Variants in DOCK3 observed in about 807,000 individuals in gnomAD.
DOCK3 encodes the protein dedicator of cytokinesis 3, also known as dedicator of cytokinesis protein 3.
Under a neutral mutation model 265.6 loss-of-function variants are expected in DOCK3, and 60 were observed. The observed-to-expected ratio is 0.23, with a 90% CI of 0.18 to 0.28. The LOEUF is 0.28. DOCK3 is among the 10% of genes least tolerant of loss of function. The pLI, the probability that DOCK3 is intolerant of heterozygous loss-of-function variation, is 1.00. For synonymous variants in DOCK3, 881 were observed against 938.0 expected, an observed-to-expected ratio of 0.94 and a Z score of 1.11; for missense variants, 1,981 against 2,594.3, an observed-to-expected ratio of 0.76 and a Z score of 5.14.
chr3:50,884,251 C>G (rs375428018), intron 3 of DOCK3, among the ~76,000 whole-genome samples: 3 of 152,192 alleles, frequency 2.0e-5, no homozygotes, highest in South Asian at 4.2e-4. Flanking sequence ...CCACCACGGC[C>G]AGCTAATTTT....
chr3:51,323,508 C>T (rs1005776714), intron 32 of DOCK3, among the ~76,000 whole-genome samples: 2 of 152,106 alleles, frequency 1.3e-5, no homozygotes, highest in Admixed American at 6.5e-5. Context: ...CAAACAGTCT[C>T]TCAGACCACA....
At chr3:51,187,751 C>CTTTT (rs1222615450) in intron 12 of DOCK3, among the ~76,000 whole-genome samples, 10 of 112,130 alleles carry the variant, frequency 8.9e-5, no homozygotes, top group Non-Finnish European at 1.1e-4. Flanking sequence ...TCTGCACAAG[C>CTTTT]TTTTTTTTTT....
intron 5 of DOCK3, among the ~76,000 whole-genome samples, chr3:51,023,630 A>G (rs1575802299): frequency 6.6e-6 from 1 of 152,030 alleles, no homozygotes; most frequent in South Asian, 2.1e-4. Flanking sequence ...TGGCCAGGCT[A>G]GTCTCAAACT....
chr3:50,906,117 T>C (rs965960647), intron 4 of DOCK3, among the ~76,000 whole-genome samples: 19 of 152,100 alleles, frequency 1.2e-4, no homozygotes, highest in Non-Finnish European at 2.5e-4. Context: ...TAAAGCCCAC[T>C]TGATCATTTT....
chr3:51,381,422 G>C lies in DOCK3; in HGVS notation c.5956G>C (p.Glu1986Gln). ...KPYHPRLPAL[E>Q]HDEGVLLREE... Reference sequence around the variant, plus strand: ...CTACCACCCCCGCCTGCCGGCCCTGGAGCACGATGAGGGGGTGCTGCTGCG... The same window carrying C: ...CTACCACCCCCGCCTGCCGGCCCTGCAGCACGATGAGGGGGTGCTGCTGCG... The change falls in exon 53 of 53, where the codon GAG (glutamate) becomes CAG (glutamine). Residue 1986 changes from glutamate (E) to glutamine (Q), a missense_variant. By Grantham distance (29) the Glu-to-Gln change is conservative. This residue lies in a region of DOCK3 where 149 missense variants were observed against 144.7 expected (regional missense o/e 1.03). Coordinates refer to ENST00000266037, the MANE Select transcript of DOCK3 (RefSeq NM_004947.5). This position sits in a 1 kb window ranked among gnomAD's most constrained non-coding sequence, Gnocchi z 5.6. The C allele has an allele frequency of 1.9e-6, 3 of 1,611,672 alleles. No homozygotes were observed. Among genetic ancestry groups the C allele is most frequent in the Non-Finnish European group, 2.5e-6 (3 of 1,179,356 alleles).
chr3:50,821,959 T>A (rs2044461518), intron 2 of DOCK3, among the ~76,000 whole-genome samples: 1 of 152,238 alleles, frequency 6.6e-6, no homozygotes, highest in Admixed American at 6.5e-5. Flanking sequence ...GGCTTTGTTC[T>A]TTTTGCTTAG....
intron 32 of DOCK3, among the ~76,000 whole-genome samples, chr3:51,324,856 C>G (rs2083988343): frequency 6.6e-6 from 1 of 152,178 alleles, no homozygotes; most frequent in South Asian, 2.1e-4. Context: ...GGAAAACTAG[C>G]TAGCCATATG....
At chr3:50,819,819 A>C (rs1054804663) in intron 2 of DOCK3, among the ~76,000 whole-genome samples, 2 of 152,088 alleles carry the variant, frequency 1.3e-5, no homozygotes, top group Admixed American at 6.5e-5. Flanking sequence ...AAACTTAGCC[A>C]GGCGTGGTGG....
chr3:51,019,516 G>A (rs2079496941), intron 5 of DOCK3, among the ~76,000 whole-genome samples: 1 of 151,770 alleles, frequency 6.6e-6, no homozygotes, highest in Non-Finnish European at 1.5e-5. Flanking sequence ...GGATATGCAG[G>A]TTTGTTACAT....
intron 32 of DOCK3, among the ~76,000 whole-genome samples, chr3:51,329,495 G>A (rs903188271): frequency 6.6e-6 from 1 of 152,194 alleles, no homozygotes; most frequent in Admixed American, 6.5e-5. Flanking sequence ...CGTGGGGTAG[G>A]AACAAATATA....
chr3:51,273,272 T>G (rs749827110), intron 24 of DOCK3, among the ~76,000 whole-genome samples: 2 of 152,208 alleles, frequency 1.3e-5, no homozygotes, highest in African/African-American at 4.8e-5. Context: ...TACTTGCTGC[T>G]TCACACAAAC....
At chr3:51,276,355 G>T (rs1413933622) in intron 25 of DOCK3, 2 of 985,360 alleles carry the variant, frequency 2.0e-6, no homozygotes, top group Non-Finnish European at 2.4e-6. Flanking sequence ...ATAGCCCAAG[G>T]TTGTATTGAG....
intron 29 of DOCK3, 115 bp from the exon 30 acceptor site, chr3:51,312,361 A>T: frequency 9.8e-7 from 1 of 1,022,818 alleles, no homozygotes; most frequent in East Asian, 2.5e-5. Flanking sequence ...AGGGAAAAAA[A>T]ATGAGGATCT....
chr3:50,716,605 T>C (rs953129829), intron 1 of DOCK3, among the ~76,000 whole-genome samples: 3 of 151,242 alleles, frequency 2.0e-5, no homozygotes, highest in Non-Finnish European at 4.4e-5. Flanking sequence ...TTTGGTGTAG[T>C]AATTTTCGGT....
intron 1 of DOCK3, among the ~76,000 whole-genome samples, chr3:50,726,477 C>G (rs551647590): frequency 6.6e-6 from 1 of 152,168 alleles, no homozygotes; most frequent in Non-Finnish European, 1.5e-5. Flanking sequence ...TAAGCTTGTA[C>G]TTTTGACTGA....
At chr3:51,174,718 A>G (rs1025359864) in intron 12 of DOCK3, among the ~76,000 whole-genome samples, 5 of 152,194 alleles carry the variant, frequency 3.3e-5, no homozygotes, top group African/African-American at 1.2e-4. Context: ...CTTTGTGTTA[A>G]TGTCAGTGCC....
At chr3:50,844,598 T>A (rs1428953936) in intron 3 of DOCK3, among the ~76,000 whole-genome samples, 1 of 152,172 alleles carries the variant, frequency 6.6e-6, no homozygotes, top group African/African-American at 2.4e-5. Flanking sequence ...CTTAATCTTT[T>A]TGTTCCCTGT....
chr3:51,079,874 G>A (rs758969546), intron 7 of DOCK3, among the ~76,000 whole-genome samples: 1 of 152,110 alleles, frequency 6.6e-6, no homozygotes, highest in Non-Finnish European at 1.5e-5. Context: ...CTAAACTGTG[G>A]CAAGATCTAA....
At position 51,047,763 on chromosome 3, in the gene DOCK3, A is replaced by G. The variant is rs145693857; in HGVS notation, c.316-16685A>G. ...AATTAGTAATCAAAAATCTCCCAAC[A>G]GAGGAAATCCCGGGACCAGATGGCT... On this transcript the variant is annotated intron_variant, in intron 5 of 52. Transcript: ENST00000266037. 7.0e-4 allele frequency among the ~76,000 whole-genome samples: 107 copies of G among 152,314 alleles called. 1 individual carries two copies. The highest frequency in any genetic ancestry group is 6.2e-3 in the East Asian group (32 of 5,192).
Sources: gnomAD v4.1 joint callset for allele counts (sites outside exome capture counted in the v4.1 genomes callset) on GRCh38, gnomAD v4.1.1 for gene constraint, gnomAD v4.1.1 regional missense constraint, Gnocchi (gnomAD v3.1) non-coding constraint, MANE v1.5 for transcripts, NCBI Gene and HGNC (gene_info 2026-07-23, HGNC 2026-07-21) for gene names.